PAPSS2: variants seen among roughly 807,000 people sequenced by gnomAD.
PAPSS2 encodes the protein 3'-phosphoadenosine 5'-phosphosulfate synthase 2.
In PAPSS2, 61 loss-of-function variants were observed where a neutral mutation model predicts 66.5. The ratio of observed to expected loss-of-function variants is 0.92; its 90% CI spans 0.75 to 1.14. The LOEUF is 1.14. Among genes scored for constraint, PAPSS2 ranks in the 50% most tolerant of loss-of-function variants. The probability of loss-of-function intolerance (pLI) is 0.00; values close to 1 mark genes in which losing one functional copy is unlikely to be tolerated. For missense variants in PAPSS2, 708 were observed against 789.6 expected (o/e 0.90, Z 1.24); for synonymous variants, 289 against 287.5 (o/e 1.01, Z -0.05).
At chr10:87,684,072 A>C (rs1853058478) in intron 1 of PAPSS2, among the ~76,000 whole-genome samples, 1 of 152,198 alleles carries the variant, frequency 6.6e-6, no homozygotes, top group Non-Finnish European at 1.5e-5. Context: ...GCTTTTTTGA[A>C]TTCTTTTACA....
At chr10:87,712,944 C>T in intron 2 of PAPSS2, 131 bp from the exon 3 acceptor site, 1 of 666,324 alleles carries the variant, frequency 1.5e-6, no homozygotes, top group South Asian at 1.7e-5. Flanking sequence ...TTGTAGTCAA[C>T]TACACTGATT....
intron 1 of PAPSS2, among the ~76,000 whole-genome samples, chr10:87,670,356 G>A (rs1387385840): frequency 6.6e-6 from 1 of 152,208 alleles, no homozygotes; most frequent in East Asian, 1.9e-4. Flanking sequence ...CGACGCTTAA[G>A]GATGTTGTCA....
chr10:87,729,201 A>ACTTTATCGT (rs1424479574), intron 9 of PAPSS2, among the ~76,000 whole-genome samples: 3 of 151,016 alleles, frequency 2.0e-5, no homozygotes, highest in Non-Finnish European at 4.4e-5. Context: ...ACTATGCTTC[A>ACTTTATCGT]CTTTATCGTG....
chr10:87,741,426 G>GCT (rs1413375914), intron 10 of PAPSS2, 56 bp downstream of exon 10: 4 of 1,474,974 alleles, frequency 2.7e-6, no homozygotes, highest in Non-Finnish European at 3.8e-6. Flanking sequence ...ATGGTGTCTT[G>GCT]TTCTGTCACC....
intron 9 of PAPSS2, among the ~76,000 whole-genome samples, chr10:87,731,500 T>C (rs1853729000): frequency 6.6e-6 from 1 of 152,190 alleles, no homozygotes; most frequent in Non-Finnish European, 1.5e-5. Flanking sequence ...AAGAAATACA[T>C]TTTGTAAGGG....
chr10:87,721,590 G>A (rs1164993616), intron 7 of PAPSS2, among the ~76,000 whole-genome samples, 166 bp from the exon 8 acceptor site: 1 of 152,002 alleles, frequency 6.6e-6, no homozygotes, highest in African/African-American at 2.4e-5. Context: ...CCAGCTTTTT[G>A]CTATTATATA....
At chr10:87,660,133 G>A (rs1170945750) in intron 1 of PAPSS2, 125 bp downstream of exon 1, 18 of 957,674 alleles carry the variant, frequency 1.9e-5, no homozygotes, top group East Asian at 1.6e-4. Context: ...AGGAGTAAGA[G>A]TGGGGCACGG....
chr10:87,679,332 T>G (rs1229153101), intron 1 of PAPSS2, among the ~76,000 whole-genome samples: 1 of 152,168 alleles, frequency 6.6e-6, no homozygotes, highest in African/African-American at 2.4e-5. Flanking sequence ...CAGATACAAT[T>G]AGATAAAAGT....
intron 1 of PAPSS2, among the ~76,000 whole-genome samples, chr10:87,708,541 G>A (rs1359152896): frequency 1.3e-5 from 2 of 152,118 alleles, no homozygotes; most frequent in Non-Finnish European, 2.9e-5. Context: ...AGCTACTGGA[G>A]TATTTGGGTT....
chr10:87,681,054 C>G (rs569734491), intron 1 of PAPSS2, among the ~76,000 whole-genome samples: 2 of 152,242 alleles, frequency 1.3e-5, no homozygotes, highest in South Asian at 4.1e-4. Context: ...AGATCTTTTT[C>G]TAGTTGTTAC....
intron 1 of PAPSS2, among the ~76,000 whole-genome samples, chr10:87,677,320 A>G (rs1852962219): frequency 1.3e-5 from 2 of 152,208 alleles, no homozygotes; most frequent in Non-Finnish European, 2.9e-5. Context: ...AAAGATGGCA[A>G]CTTTGTTTTA....
intron 9 of PAPSS2, among the ~76,000 whole-genome samples, chr10:87,736,263 CTTTT>C (rs10553485): frequency 9.7e-6 from 1 of 103,248 alleles, no homozygotes; most frequent in Non-Finnish European, 1.9e-5. Flanking sequence ...TTCTTTCTTT[CTTTT>C]TTTTTTTTTT....
intron 1 of PAPSS2, chr10:87,704,070 A>G (rs1424357577): frequency 2.1e-6 from 1 of 487,118 alleles, no homozygotes; most frequent in Non-Finnish European, 4.1e-6. Flanking sequence ...GCCCCCTTGC[A>G]GTTCAAGTAT....
At chr10:87,660,960 A>G (rs560760457) in intron 1 of PAPSS2, 8 of 455,874 alleles carry the variant, frequency 1.8e-5, no homozygotes, top group South Asian at 3.1e-5. Context: ...TGAACATTCT[A>G]TCTTCAGCCA....
chr10:87,734,206 G>A (rs1308365148), intron 9 of PAPSS2, among the ~76,000 whole-genome samples: 1 of 152,032 alleles, frequency 6.6e-6, no homozygotes, highest in Non-Finnish European at 1.5e-5. Flanking sequence ...TCCAGAGCTG[G>A]TCATTCGATC....
chr10:87,714,576 T>C (rs1252985049), intron 4 of PAPSS2, among the ~76,000 whole-genome samples, 169 bp from the exon 5 acceptor site: 4 of 152,258 alleles, frequency 2.6e-5, no homozygotes, highest in African/African-American at 9.6e-5. Context: ...AAAATACAGC[T>C]ATATATTTTC....
intron 1 of PAPSS2, among the ~76,000 whole-genome samples, chr10:87,661,313 G>A (rs1852749976): frequency 6.6e-6 from 1 of 152,110 alleles, no homozygotes; most frequent in South Asian, 2.1e-4. Flanking sequence ...AATTTGGGAA[G>A]GGACATTTAT....
intron 8 of PAPSS2, among the ~76,000 whole-genome samples, chr10:87,726,053 T>C (rs1235247362): frequency 6.6e-6 from 1 of 152,094 alleles, no homozygotes; most frequent in Non-Finnish European, 1.5e-5. Context: ...TGAAAATACA[T>C]TTTTTACAAG....
At chr10:87,743,670 G>A (rs763849070) in intron 11 of PAPSS2, 29 bp downstream of exon 11, 56 of 1,613,896 alleles carry the variant, frequency 3.5e-5, no homozygotes, top group Non-Finnish European at 4.6e-5. Flanking sequence ...TGGGCTTTGA[G>A]ACTCAGGAAT....
Sources: gnomAD v4.1 joint callset for allele counts (sites outside exome capture counted in the v4.1 genomes callset) on GRCh38, gnomAD v4.1.1 for gene constraint, MANE v1.5 for transcripts, NCBI Gene and HGNC (gene_info 2026-07-23, HGNC 2026-07-21) for gene names.